The following NRXN3 variants were observed in gnomAD, a reference collection of about 807,000 sequenced individuals.
NRXN3 encodes the protein neurexin 3.
A neutral mutation model predicts 137.6 loss-of-function variants in NRXN3; 32 were observed. That is an observed-to-expected ratio of 0.23 (90% CI 0.18 to 0.31). NRXN3 has a LOEUF of 0.31. Ranked by LOEUF, NRXN3 falls within the 10% of genes least tolerant of loss-of-function variation. The pLI is 1.00. For synonymous variants in NRXN3, 798 were observed against 784.5 expected (o/e 1.02, Z -0.29); for missense variants, 1,574 against 2,062.5 (o/e 0.76, Z 4.59).
intron 8 of NRXN3, among the ~76,000 whole-genome samples, chr14:78,764,185 AAC>A (rs1289711957): frequency 4.6e-5 from 7 of 152,212 alleles, no homozygotes; most frequent in African/African-American, 1.4e-4. Flanking sequence ...ACAATTTACA[AAC>A]TAGTTAAGAG....
chr14:79,035,323 A>C (rs1415952134), intron 15 of NRXN3, among the ~76,000 whole-genome samples: 1 of 151,956 alleles, frequency 6.6e-6, no homozygotes, highest in East Asian at 1.9e-4. Flanking sequence ...AATAGGCCTC[A>C]CTCTATAGCC....
intron 16 of NRXN3, among the ~76,000 whole-genome samples, chr14:79,527,146 T>G (rs915489267): frequency 2.0e-5 from 3 of 151,544 alleles, no homozygotes; most frequent in African/African-American, 7.3e-5. Flanking sequence ...ATACAAAAAT[T>G]AGCCGGGCAT....
Position 79,436,655 on chromosome 14 carries a change from T to C in NRXN3, c.3263-30566T>C, listed in dbSNP as rs1275366365. On this transcript the variant is annotated intron_variant, in intron 15 of 20. Transcript: ENST00000335750. ...GATCTTGATCTGCTAAGAAAAGACA[T>C]ACTGTTTGTTTTTATTGGGCAGGCA... 2.0e-5 allele frequency among the ~76,000 whole-genome samples: 3 copies of C among 152,282 alleles called. No individual in the cohort carries two copies. In the East Asian group the frequency reaches 5.8e-4, roughly 29 times the overall value.
chr14:78,905,026 C>G (rs1414444195), intron 10 of NRXN3, among the ~76,000 whole-genome samples: 1 of 152,012 alleles, frequency 6.6e-6, no homozygotes, highest in Non-Finnish European at 1.5e-5. Flanking sequence ...AACTCTTTGG[C>G]CATGTATCCT....
At chr14:79,592,340 A>G (rs2097813505) in intron 16 of NRXN3, among the ~76,000 whole-genome samples, 1 of 152,162 alleles carries the variant, frequency 6.6e-6, no homozygotes, top group South Asian at 2.1e-4. Flanking sequence ...AATGATGAAG[A>G]CGAATAATGT....
Position 78,782,670 on chromosome 14 carries a change from G to T in NRXN3, c.2045-20950G>T, listed in dbSNP as rs2098774191. On this transcript the variant is annotated intron_variant, in intron 8 of 20. Coordinates refer to ENST00000335750, the MANE Select transcript of NRXN3 (RefSeq NM_001330195.2). Reference sequence around the variant, plus strand: ...ATCCCCAGTGCCTGAATGAATGGATGAGGAATGAGTTGAATAGTCTCCCAA... The same window carrying T: ...ATCCCCAGTGCCTGAATGAATGGATTAGGAATGAGTTGAATAGTCTCCCAA... 3.3e-5 allele frequency among the ~76,000 whole-genome samples: 5 copies of T among 152,200 alleles called. No individual in the cohort carries two copies. In the South Asian group the frequency reaches 8.3e-4, roughly 25 times the overall value.
Position 79,581,318 on chromosome 14 carries a change from C to T in NRXN3, c.3445-82460C>T, listed in dbSNP as rs1383151890. ...ATCTCCACCTCCAGCCTCTGCTCTA[C>T]AAGCTGCCACTCATCTACCTTACAT... On this transcript the variant is annotated intron_variant, in intron 16 of 20. Transcript: ENST00000335750. Among the ~76,000 whole-genome samples, 86 of 152,232 alleles carry T rather than the reference C, an allele frequency of 5.6e-4. 3 individuals carry two copies. Among genetic ancestry groups the T allele is most frequent in the Admixed American group, 5.6e-3 (86 of 15,294 alleles).
At chr14:78,953,340 G>C (rs1317865946) in intron 10 of NRXN3, among the ~76,000 whole-genome samples, 1 of 152,062 alleles carries the variant, frequency 6.6e-6, no homozygotes, top group Non-Finnish European at 1.5e-5. Flanking sequence ...AAGAAATAAG[G>C]GTTCCATAGG....
chr14:78,499,893 G>A (rs1199307323), intron 4 of NRXN3, among the ~76,000 whole-genome samples: 1 of 152,122 alleles, frequency 6.6e-6, no homozygotes, highest in East Asian at 1.9e-4. Flanking sequence ...GACAGAGCCT[G>A]CTAACTAGAT....
intron 4 of NRXN3, among the ~76,000 whole-genome samples, chr14:78,533,173 C>T (rs949694891): frequency 1.4e-5 from 2 of 142,464 alleles, no homozygotes; most frequent in Non-Finnish European, 1.5e-5. Flanking sequence ...GATCTTGGCT[C>T]ACTGCAACTT....
intron 16 of NRXN3, among the ~76,000 whole-genome samples, chr14:79,561,227 A>C (rs1213257236): frequency 6.6e-6 from 1 of 152,176 alleles, no homozygotes; most frequent in Non-Finnish European, 1.5e-5. Context: ...TACAACTCAT[A>C]ATGCTATTCA....
At chr14:78,381,055 G>T (rs1427861380) in intron 4 of NRXN3, among the ~76,000 whole-genome samples, 1 of 152,172 alleles carries the variant, frequency 6.6e-6, no homozygotes, top group African/African-American at 2.4e-5. Context: ...TGGAGAAAAG[G>T]TAGCTTTTTC....
In NRXN3 at chr14:79,744,237, A is replaced by G. The variant is rs183513946; in HGVS notation, c.4014+46300A>G. On this transcript the variant is annotated intron_variant, in intron 19 of 20. Coordinates refer to ENST00000335750, the MANE Select transcript of NRXN3 (RefSeq NM_001330195.2). The stretch of plus-strand genomic sequence containing the variant: ...CAAGGGTTAGATGTGAATGTCAGAA[A>G]AAATGTTATGATCAATTTCTGCCTC... 6.2e-4 allele frequency among the ~76,000 whole-genome samples: 94 copies of G among 152,318 alleles called. 1 individual carries two copies. The highest frequency in any genetic ancestry group is 1.2e-3 in the South Asian group (6 of 4,828).
At chr14:78,838,750 A>G (rs17108303) in intron 10 of NRXN3, among the ~76,000 whole-genome samples, 8,865 of 152,190 alleles carry the variant, frequency 0.058, 410 homozygotes, top group South Asian at 0.19. Context: ...CTCTCTAGCC[A>G]TATTGCAATT....
intron 6 of NRXN3, among the ~76,000 whole-genome samples, chr14:78,705,138 G>A (rs1247826992): frequency 6.6e-6 from 1 of 152,140 alleles, no homozygotes; most frequent in African/African-American, 2.4e-5. Context: ...TCCCCCATGG[G>A]GAGCCGTTTC....
At chr14:79,463,526 C>A (rs2096380952) in intron 15 of NRXN3, among the ~76,000 whole-genome samples, 1 of 152,058 alleles carries the variant, frequency 6.6e-6, no homozygotes, top group African/African-American at 2.4e-5. Context: ...GATGTATCCT[C>A]TTAATCTTTG....
At chr14:78,973,676 G>A (rs2099452641) in intron 14 of NRXN3, among the ~76,000 whole-genome samples, 1 of 152,028 alleles carries the variant, frequency 6.6e-6, no homozygotes, top group Non-Finnish European at 1.5e-5. Context: ...ATTCAAAGAG[G>A]CATCTTACAA....
At chr14:79,511,395 G>A (rs1010732970) in intron 16 of NRXN3, among the ~76,000 whole-genome samples, 1 of 152,184 alleles carries the variant, frequency 6.6e-6, no homozygotes, top group Admixed American at 6.5e-5. Flanking sequence ...AGACATGCTT[G>A]AGTCTCTAAG....
intron 15 of NRXN3, among the ~76,000 whole-genome samples, chr14:79,062,473 C>G (rs1043622057): frequency 5.3e-5 from 8 of 152,274 alleles, no homozygotes; most frequent in Admixed American, 4.6e-4. Flanking sequence ...CTTACTGACT[C>G]AGGCCCCCCA....
Sources: allele counts gnomAD v4.1 joint callset (sites outside exome capture counted in the v4.1 genomes callset), GRCh38; gene constraint gnomAD v4.1.1; transcripts MANE v1.5; gene names NCBI Gene and HGNC (gene_info 2026-07-23, HGNC 2026-07-21).